RAB38: variants seen among roughly 807,000 people sequenced by gnomAD.
RAB38 encodes RAB38, member RAS oncogene family.
RAB38 carries 15 observed loss-of-function variants against 18.4 expected under a neutral mutation model. The ratio of observed to expected loss-of-function variants is 0.82; its 90% CI spans 0.55 to 1.26. The LOEUF is 1.26. RAB38 is among the 50% of genes most tolerant of loss of function. The pLI, the probability that RAB38 is intolerant of heterozygous loss-of-function variation, is 0.00. For missense variants in RAB38, 294 were observed against 267.4 expected (o/e 1.10, Z -0.69); for synonymous variants, 101 against 104.4 (o/e 0.97, Z 0.20).
At chr11:88,153,627 T>C (rs1241253630) in intron 1 of RAB38, among the ~76,000 whole-genome samples, 3 of 152,174 alleles carry the variant, frequency 2.0e-5, no homozygotes, top group South Asian at 2.1e-4. Flanking sequence ...TAAGCACAAG[T>C]CTTCAGGTAG....
At chr11:88,120,579 A>G (rs1942616923) in intron 2 of RAB38, among the ~76,000 whole-genome samples, 2 of 152,182 alleles carry the variant, frequency 1.3e-5, no homozygotes, top group South Asian at 4.1e-4. Context: ...TTATTTTAAC[A>G]TAGGACAAAG....
intron 2 of RAB38, among the ~76,000 whole-genome samples, chr11:88,143,929 G>C (rs1942949993): frequency 6.6e-6 from 1 of 152,154 alleles, no homozygotes; most frequent in Non-Finnish European, 1.5e-5. Context: ...ATTAGCTAAA[G>C]ATAAAATATT....
chr11:88,121,682 C>T (rs1942630950), intron 2 of RAB38, among the ~76,000 whole-genome samples: 1 of 152,212 alleles, frequency 6.6e-6, no homozygotes, highest in Admixed American at 6.5e-5. Context: ...CCTGACTCAG[C>T]CTCCTGAGTA....
chr11:87,828,713 T>C, the RAB38 span, among the ~76,000 whole-genome samples: 1 of 152,192 alleles, frequency 6.6e-6, no homozygotes, highest in African/African-American at 2.4e-5. Flanking sequence ...GGGTAATTTA[T>C]TCTTCAGTAA....
At chr11:87,806,425 C>T in the RAB38 span, among the ~76,000 whole-genome samples, 1 of 152,120 alleles carries the variant, frequency 6.6e-6, no homozygotes, top group Non-Finnish European at 1.5e-5. Flanking sequence ...AAGGGCATTA[C>T]TCTTATTAAT....
At chr11:88,022,324 A>G in the RAB38 span, among the ~76,000 whole-genome samples, 1 of 152,048 alleles carries the variant, frequency 6.6e-6, no homozygotes, top group South Asian at 2.1e-4. Context: ...CCCTCAAAAA[A>G]AAAAGAGTAC....
chr11:87,893,065 GTAT>G, the RAB38 span, among the ~76,000 whole-genome samples: 1 of 151,566 alleles, frequency 6.6e-6, no homozygotes, highest in Non-Finnish European at 1.5e-5. Context: ...GATACTCCAT[GTAT>G]AAATTGTTGT....
the RAB38 span, among the ~76,000 whole-genome samples, chr11:88,026,655 GA>G: frequency 6.7e-6 from 1 of 149,866 alleles, no homozygotes; most frequent in African/African-American, 2.5e-5. Context: ...TGGGATTACA[GA>G]CATGAGCCAC....
the RAB38 span, among the ~76,000 whole-genome samples, chr11:87,949,515 T>C: frequency 1.3e-5 from 2 of 152,332 alleles, no homozygotes; most frequent in East Asian, 3.9e-4. Flanking sequence ...CTGCTTTCTC[T>C]TGTGGGCATT....
chr11:87,831,513 G>A, the RAB38 span, among the ~76,000 whole-genome samples: 1 of 152,170 alleles, frequency 6.6e-6, no homozygotes, highest in Non-Finnish European at 1.5e-5. Flanking sequence ...TTGGGGCATG[G>A]CATTGTTTAG....
the RAB38 span, among the ~76,000 whole-genome samples, chr11:87,974,800 G>GA: frequency 4.1e-5 from 6 of 145,252 alleles, no homozygotes; most frequent in African/African-American, 1.5e-4. Context: ...ATGATGATCA[G>GA]AAAAAAAAAG....
At chr11:87,946,484 C>T in the RAB38 span, among the ~76,000 whole-genome samples, 2 of 152,088 alleles carry the variant, frequency 1.3e-5, no homozygotes, top group Non-Finnish European at 2.9e-5. Context: ...TGGTGTGCTG[C>T]ACCCATTAAC....
the RAB38 span, among the ~76,000 whole-genome samples, chr11:87,920,324 G>A: frequency 1.2e-4 from 18 of 151,682 alleles, no homozygotes; most frequent in Admixed American, 1.2e-3. Context: ...CATCCCATAA[G>A]TTTTAAATGT....
At chr11:87,818,690 T>A in the RAB38 span, among the ~76,000 whole-genome samples, 1 of 152,152 alleles carries the variant, frequency 6.6e-6, no homozygotes, top group Non-Finnish European at 1.5e-5. Flanking sequence ...GACTTACTAG[T>A]TTTTTTAAAA....
rs574423440 is a variant in RAB38, at chr11:88,168,395, C to T, written c.202+6788G>A. Reference sequence around the variant, plus strand: ...TCAGCTAGGTCAGATTACTGAAGCCCGCATGATGTCTTCTCATCTCCATGT... The same window carrying T: ...TCAGCTAGGTCAGATTACTGAAGCCTGCATGATGTCTTCTCATCTCCATGT... On this transcript the variant is annotated intron_variant, in intron 1 of 2. Coordinates refer to ENST00000243662, the MANE Select transcript of RAB38 (RefSeq NM_022337.3). 6.6e-5 allele frequency among the ~76,000 whole-genome samples: 10 copies of T among 152,216 alleles called. No individual in the cohort carries two copies. The East Asian group carries it at 1.2e-3, about 18-fold the overall frequency.
the RAB38 span, among the ~76,000 whole-genome samples, chr11:87,966,858 C>G: frequency 1.3e-5 from 2 of 152,188 alleles, no homozygotes; most frequent in South Asian, 2.1e-4. Flanking sequence ...CTGTGATGAT[C>G]ATGCATGTTC....
chr11:87,949,965 G>C, the RAB38 span, among the ~76,000 whole-genome samples: 1 of 152,146 alleles, frequency 6.6e-6, no homozygotes, highest in Non-Finnish European at 1.5e-5. Flanking sequence ...CTGTCTCATT[G>C]ATCTGTCTAA....
intron 2 of RAB38, among the ~76,000 whole-genome samples, chr11:88,122,130 G>A (rs1319004825): frequency 6.6e-6 from 1 of 151,914 alleles, no homozygotes; most frequent in Non-Finnish European, 1.5e-5. Context: ...TTTTGCACCA[G>A]ACCCCATAAC....
At chr11:87,880,061 T>C in the RAB38 span, 3 of 151,842 alleles carry the variant, frequency 2.0e-5, no homozygotes, top group African/African-American at 7.2e-5. Flanking sequence ...AATGAATGAA[T>C]ATCTGATTCT....
Sources: allele counts gnomAD v4.1 joint callset (sites outside exome capture counted in the v4.1 genomes callset), GRCh38; gene constraint gnomAD v4.1.1; transcripts MANE v1.5; gene names NCBI Gene and HGNC (gene_info 2026-07-23, HGNC 2026-07-21).